Variants in FHOD1 observed in about 807,000 individuals in gnomAD.
FHOD1 encodes the protein formin homology 2 domain containing 1.
In FHOD1, 89 loss-of-function variants were observed where a neutral mutation model predicts 111.6. That is an observed-to-expected ratio of 0.80 (90% CI 0.67 to 0.95). The LOEUF (loss-of-function observed/expected upper bound fraction) is 0.95. FHOD1 is among the 40% of genes least tolerant of loss of function. The pLI, the probability that FHOD1 is intolerant of heterozygous loss-of-function variation, is 0.00. For missense variants in FHOD1, 1,446 were observed against 1,554.2 expected (o/e 0.93, Z 1.17); for synonymous variants, 618 against 639.0 (o/e 0.97, Z 0.50).
Position 67,230,460 on chromosome 16 carries a change from G to A in FHOD1, c.2905C>T (p.Arg969Cys), listed in dbSNP as rs778804997. ...CAGAACTGCATGATGCGCACTTCACGGGCCGCCTGCGGGGTGTAGCCCAGG... is the reference window on the plus strand; with the variant it reads ...CAGAACTGCATGATGCGCACTTCACAGGCCGCCTGCGGGGTGTAGCCCAGG... ...LYLGYTPQAA[R>C]EVRIMQFCHT... is the part of the protein sequence containing the mutation. Residue 969 changes from arginine (R) to cysteine (C), a missense_variant, in exon 19 of 22, where the codon CGT becomes TGT. By Grantham distance (180) the Arg-to-Cys change is radical. This residue lies in a region of FHOD1 where 1,085 missense variants were observed against 1,108.8 expected (regional missense o/e 0.98). Transcript: ENST00000258201. 13 of 1,614,216 alleles carry A rather than the reference G, an allele frequency of 8.1e-6. No individual in the cohort carries two copies. The East Asian group carries it at 2.0e-4, about 25-fold the overall frequency.
chr16:67,239,493 G>A (rs1439016383), intron 1 of FHOD1, 39 bp from the exon 2 acceptor site: 2 of 1,511,780 alleles, frequency 1.3e-6, no homozygotes, highest in Admixed American at 1.7e-5. Flanking sequence ...TGAGGAAGAG[G>A]TGGCAGGCGA....
Position 67,230,235 on chromosome 16 carries a change from A to C in FHOD1, c.3052-7T>G, listed in dbSNP as rs916425990. On this transcript the variant is annotated splice_region_variant and splice_polypyrimidine_tract_variant and intron_variant, in intron 19 of 21. Coordinates refer to ENST00000258201, the MANE Select transcript of FHOD1 (RefSeq NM_013241.3). ...CACCTGAGAACTTCTCTGTCTGGAG[A>C]AAGAAGAAGGGTGAGCTGGGAGGAG... The C allele has an allele frequency of 6.2e-7, 1 of 1,613,826 alleles. No homozygotes were observed. The highest frequency in any genetic ancestry group is 8.5e-7 in the Non-Finnish European group (1 of 1,179,814).
chr16:67,236,939 TTCCCATCTACA>T lies in FHOD1; in HGVS notation c.1142+16_1142+26del. On this transcript the variant is annotated intron_variant, in intron 10 of 21. Transcript: ENST00000258201. ...GGGCCATGCCTAGTAGATCCACCCT[TTCCCATCTACA>T]GATGCTCGTACTTACCCAGGTTCCG... 1 of 1,451,214 alleles carries T rather than the reference TTCCCATCTACA, an allele frequency of 6.9e-7. No homozygotes were observed. The highest frequency in any genetic ancestry group is 9.3e-7 in the Non-Finnish European group (1 of 1,080,992). The allele number at this position is 1,451,214 out of a possible 1,614,324, so 89.9% of individuals were successfully genotyped here.
chr16:67,243,192 T>A (rs1419021448), intron 1 of FHOD1, among the ~76,000 whole-genome samples: 2 of 152,066 alleles, frequency 1.3e-5, no homozygotes, highest in Non-Finnish European at 2.9e-5. Context: ...TAACTGCCTC[T>A]TTTGTCTCCT....
chr16:67,246,390 G>C (rs1047911079), intron 1 of FHOD1, among the ~76,000 whole-genome samples: 2 of 152,186 alleles, frequency 1.3e-5, no homozygotes, highest in Admixed American at 6.5e-5. Context: ...GGCTGCCTGC[G>C]GGGGGCTGAC....
At position 67,237,369 on chromosome 16, in the gene FHOD1, A is replaced by G. The variant is rs753630901; in HGVS notation, c.863T>C (p.Leu288Pro). Residue 288 changes from leucine to proline, a missense_variant, in exon 9 of 22, where the codon CTC becomes CCC. By Grantham distance (98) the Leu-to-Pro change is moderately conservative. Transcript: ENST00000258201. The surrounding 1 kb of genome is among the most constrained non-coding windows in gnomAD (Gnocchi z 5.6). The part of the protein sequence containing the change: ...VTLINKTLAA[L>P]PDQDSFYDVT... ...ATCGTAGAAGGAGTCCTGGTCCGGG[A>G]GCGCCGCCAGCGTCTGGAGGGCGGG... 1.2e-6 allele frequency: 2 copies of G among 1,613,834 alleles called. No homozygotes were observed. Among genetic ancestry groups the G allele is most frequent in the Admixed American group, 1.7e-5 (1 of 60,026 alleles).
intron 1 of FHOD1, among the ~76,000 whole-genome samples, chr16:67,246,306 CG>C (rs2034827597): frequency 6.6e-6 from 1 of 152,168 alleles, no homozygotes; most frequent in Non-Finnish European, 1.5e-5. Flanking sequence ...TGGAGGCGGC[CG>C]GGCTGGTGGG....
At position 67,247,308 on chromosome 16, in the gene FHOD1, G is replaced by A; in HGVS notation, c.103C>T (p.Pro35Ser). The A allele has an allele frequency of 6.2e-7, 1 of 1,613,488 alleles. No homozygotes were observed. The highest frequency in any genetic ancestry group is 8.5e-7 in the Non-Finnish European group (1 of 1,179,804). ...CAGGTGGGGGCCCGGCGCGGCTCCG[G>A]AAAGTTGGCACATGCGAAGGGGTCG... ...DTDPFACANF[P>S]EPRRAPTCSL... Residue 35 changes from proline to serine, a missense_variant, in exon 1 of 22, where the codon CCG becomes TCG. Physicochemically the swap from Pro to Ser is moderately conservative, Grantham distance 74 (BLOSUM62 -1). Transcript: ENST00000258201.
At position 67,229,463 on chromosome 16, in the gene FHOD1, CACACACACACAT is replaced by C. The variant is rs2034156472; in HGVS notation, c.*161_*172del. The C allele has an allele frequency of 4.8e-6, 3 of 623,466 alleles. No individual in the cohort carries two copies. Among genetic ancestry groups the C allele is most frequent in the African/African-American group, 1.8e-5 (1 of 54,388 alleles). The allele number at this position is 623,466 out of a possible 1,614,324, so 38.6% of individuals were successfully genotyped here. A position where few individuals can be genotyped will look rare whatever the true frequency, so the allele number is the denominator to read the frequency against. ...ACACACATGCACATGCATATGCATG[CACACACACACAT>C]ACACACACACTCACATGCATACACA... On this transcript the variant is annotated 3_prime_UTR_variant, in exon 22 of 22. Coordinates refer to ENST00000258201, the MANE Select transcript of FHOD1 (RefSeq NM_013241.3).
At position 67,231,226 on chromosome 16, in the gene FHOD1, G is replaced by A. The variant is rs1196254564; in HGVS notation, c.2629C>T (p.Leu877Phe). The A allele has an allele frequency of 6.2e-7, 1 of 1,614,234 alleles. No individual in the cohort carries two copies. Residue 877 changes from leucine to phenylalanine, a missense_variant, in exon 17 of 22, where the codon CTC becomes TTC. Coordinates refer to ENST00000258201, the MANE Select transcript of FHOD1 (RefSeq NM_013241.3). The surrounding 1 kb of genome is among the most constrained non-coding windows in gnomAD (Gnocchi z 4.3). The stretch of plus-strand genomic sequence containing the variant: ...GTCAGGGCAGGGATTTCTGAATAGA[G>A]GTCAGAGGACTCAGGCCGGGTCTGG... ...VLQTRPESSD[L>F]YSEIPALTRC...
chr16:67,229,441 CACAT>C lies in FHOD1; in HGVS notation c.*191_*194del. On this transcript the variant is annotated 3_prime_UTR_variant, in exon 22 of 22. Transcript: ENST00000258201. The stretch of plus-strand genomic sequence containing the variant: ...GCTCCGTGCGTTCAAGGAGCTCACA[CACAT>C]GCACATGCATATGCATGCACACACA... The C allele has an allele frequency of 1.6e-6, 1 of 615,818 alleles. No homozygotes were observed. Among genetic ancestry groups the C allele is most frequent in the Non-Finnish European group, 2.9e-6 (1 of 342,672 alleles). The allele number at this position is 615,818 out of a possible 1,614,324, so 38.1% of individuals were successfully genotyped here. A position where few individuals can be genotyped will look rare whatever the true frequency, so the allele number is the denominator to read the frequency against.
At chr16:67,236,217 G>T (rs1452361109) in intron 11 of FHOD1, 1 of 400,274 alleles carries the variant, frequency 2.5e-6, no homozygotes, top group Non-Finnish European at 3.4e-6. Flanking sequence ...GAAACTGGAA[G>T]TGGAGGGGAG....
In FHOD1 at chr16:67,237,048, G is replaced by T. The variant is rs142729462; in HGVS notation, c.1060C>A (p.Arg354=). Residue 354 remains arginine (R), a synonymous_variant, in exon 10 of 22, where the codon CGA becomes AGA. Transcript: ENST00000258201. This position sits in a 1 kb window ranked among gnomAD's most constrained non-coding sequence, Gnocchi z 5.6. ...APGAGGRRER[R]KPSSEEGKRS... ...TTGCCCTCCTCAGAAGAAGGCTTTCGTCGTTCCCGCCGCCCACCAGCGCCT... is the reference window on the plus strand; with the variant it reads ...TTGCCCTCCTCAGAAGAAGGCTTTCTTCGTTCCCGCCGCCCACCAGCGCCT... 5.0e-6 allele frequency: 8 copies of T among 1,613,158 alleles called. No individual in the cohort carries two copies. Among genetic ancestry groups the T allele is most frequent in the Non-Finnish European group, 6.8e-6 (8 of 1,179,824 alleles).
chr16:67,239,501 C>T (rs751255584), intron 1 of FHOD1, 47 bp from the exon 2 acceptor site: 9 of 1,441,682 alleles, frequency 6.2e-6, no homozygotes, highest in African/African-American at 4.2e-5. Flanking sequence ...AGGTGGCAGG[C>T]GAATGTATGA....
chr16:67,236,746 GCT>G lies in FHOD1; in HGVS notation c.1143-15_1143-14del. 6.6e-7 allele frequency: 1 copy of G among 1,518,302 alleles called. No homozygotes were observed. The highest frequency in any genetic ancestry group is 8.8e-7 in the Non-Finnish European group (1 of 1,131,294). The allele number at this position is 1,518,302 out of a possible 1,614,324, so 94.1% of individuals were successfully genotyped here. On this transcript the variant is annotated splice_polypyrimidine_tract_variant and intron_variant, in intron 10 of 21. Transcript: ENST00000258201. Reference sequence around the variant, plus strand: ...GGGGCCTGTGGGGCTGAAAGCAGGGGCTGTCAGTGGGGCGGGGCCTGAGAAGC... The same window carrying G: ...GGGGCCTGTGGGGCTGAAAGCAGGGGGTCAGTGGGGCGGGGCCTGAGAAGC...
chr16:67,241,700 T>G (rs1479977021), intron 1 of FHOD1, among the ~76,000 whole-genome samples: 6 of 152,162 alleles, frequency 3.9e-5, no homozygotes, highest in Non-Finnish European at 4.4e-5. Flanking sequence ...ATCACAACTT[T>G]CACAGTGCTA....
Position 67,247,309 on chromosome 16 carries a change from A to C in FHOD1, c.102T>G (p.Phe34Leu), listed in dbSNP as rs2034900098. 1 of 1,613,462 alleles carries C rather than the reference A, an allele frequency of 6.2e-7. No individual in the cohort carries two copies. Among genetic ancestry groups the C allele is most frequent in the African/African-American group, 1.3e-5 (1 of 75,026 alleles). The stretch of plus-strand genomic sequence containing the variant: ...AGGTGGGGGCCCGGCGCGGCTCCGG[A>C]AAGTTGGCACATGCGAAGGGGTCGG... ...EDTDPFACAN[F>L]PEPRRAPTCS... The change falls in exon 1 of 22, where the codon TTT becomes TTG. Residue 34 changes from phenylalanine (F) to leucine (L), a missense_variant. Around this residue, in one of 3 missense-constraint regions of FHOD1, gnomAD observed 127 missense variants for 118.0 expected, o/e 1.08. Transcript: ENST00000258201.
At chr16:67,235,712 C>G (rs1161491130) in intron 11 of FHOD1, among the ~76,000 whole-genome samples, 1 of 152,130 alleles carries the variant, frequency 6.6e-6, no homozygotes, top group African/African-American at 2.4e-5. Context: ...CCACACAGCA[C>G]CCTAGGTCCC....
In FHOD1 at chr16:67,234,722, TC is replaced by T. The variant is rs1256894426; in HGVS notation, c.1320-251del. 1.0e-5 allele frequency: 5 copies of T among 489,268 alleles called. No homozygotes were observed. In the East Asian group the frequency reaches 1.6e-4, roughly 16 times the overall value. 30.3% of individuals were successfully genotyped at this position (489,268 alleles called of 1,614,324 possible). The stretch of plus-strand genomic sequence containing the variant: ...ACACAGGGAGAGGATCTACTTAACA[TC>T]TAACTTGCAACCTCGTTCATGTTCA... On this transcript the variant is annotated intron_variant, in intron 11 of 21. Coordinates refer to ENST00000258201, the MANE Select transcript of FHOD1 (RefSeq NM_013241.3).
Sources: gnomAD v4.1 joint callset for allele counts (sites outside exome capture counted in the v4.1 genomes callset) on GRCh38, gnomAD v4.1.1 for gene constraint, gnomAD v4.1.1 regional missense constraint, Gnocchi (gnomAD v3.1) non-coding constraint, MANE v1.5 for transcripts, NCBI Gene and HGNC (gene_info 2026-07-23, HGNC 2026-07-21) for gene names.